Variants in LARP1B observed in about 807,000 individuals in gnomAD.
LARP1B encodes La ribonucleoprotein 1B.
LARP1B carries 76 observed loss-of-function variants against 114.2 expected under a neutral mutation model. The ratio of observed to expected loss-of-function variants is 0.67; its 90% confidence interval spans 0.55 to 0.81. The LOEUF (loss-of-function observed/expected upper bound fraction) is 0.81, where lower values mean the gene tolerates loss of function less well. Ranked by LOEUF, LARP1B falls within the 30% of genes least tolerant of loss-of-function variation. The probability of loss-of-function intolerance (pLI) is 0.00; values close to 1 mark genes in which losing one functional copy is unlikely to be tolerated. For synonymous variants in LARP1B, 345 were observed against 348.0 expected (o/e 0.99, Z 0.10); for missense variants, 1,014 against 1,075.8 (o/e 0.94, Z 0.80).
At chr4:128,100,179 C>G (rs1779787433) in intron 8 of LARP1B, among the ~76,000 whole-genome samples, 1 of 152,052 alleles carries the variant, frequency 6.6e-6, no homozygotes, top group African/African-American at 2.4e-5. Context: ...CCAGGCTGGT[C>G]TCGAACTCCT....
intron 9 of LARP1B, among the ~76,000 whole-genome samples, chr4:128,114,253 AT>A (rs1215315220): frequency 6.6e-6 from 1 of 152,184 alleles, no homozygotes; most frequent in Non-Finnish European, 1.5e-5. Flanking sequence ...TTAATCTAAG[AT>A]TTTTCAGAGA....
intron 11 of LARP1B, among the ~76,000 whole-genome samples, chr4:128,138,458 CAT>C (rs1386369593): frequency 6.6e-6 from 1 of 152,076 alleles, no homozygotes; most frequent in East Asian, 1.9e-4. Flanking sequence ...ATTTTATTAA[CAT>C]ATCTTTTTAT....
intron 12 of LARP1B, among the ~76,000 whole-genome samples, chr4:128,168,250 A>G (rs1234715723): frequency 6.6e-6 from 1 of 152,004 alleles, no homozygotes; most frequent in Admixed American, 6.6e-5. Context: ...CAGTTGCTCT[A>G]CATCATCACC....
chr4:128,085,833 C>G (rs762482732), intron 5 of LARP1B, among the ~76,000 whole-genome samples: 1 of 152,042 alleles, frequency 6.6e-6, no homozygotes, highest in Non-Finnish European at 1.5e-5. Flanking sequence ...TTCTCAAATG[C>G]CTGTGAGTGA....
intron 11 of LARP1B, 116 bp downstream of exon 11, chr4:128,122,304 G>A: frequency 6.6e-7 from 1 of 1,506,222 alleles, no homozygotes; most frequent in South Asian, 1.4e-5. Flanking sequence ...TAAATACATT[G>A]TATTTAACTT....
intron 11 of LARP1B, among the ~76,000 whole-genome samples, chr4:128,137,672 ATATC>A (rs1293530734): frequency 8.6e-5 from 13 of 151,912 alleles, no homozygotes; most frequent in African/African-American, 2.7e-4. Flanking sequence ...GGTAATTTAT[ATATC>A]TATCACCTCA....
intron 11 of LARP1B, among the ~76,000 whole-genome samples, chr4:128,135,558 A>G (rs1206413175): frequency 6.6e-6 from 1 of 152,236 alleles, no homozygotes; most frequent in African/African-American, 2.4e-5. Flanking sequence ...AACAAAATGT[A>G]GTATATACAT....
chr4:128,079,322 T>A (rs1222246455), intron 4 of LARP1B, among the ~76,000 whole-genome samples: 2 of 152,062 alleles, frequency 1.3e-5, no homozygotes, highest in African/African-American at 4.8e-5. Context: ...CTTGAAATCC[T>A]GAGCTCAGGC....
At chr4:128,213,484 T>C (rs1759255369), downstream of LARP1B, among the ~76,000 whole-genome samples, 1 of 152,188 alleles carries the variant, frequency 6.6e-6, no homozygotes, top group Admixed American at 6.5e-5. Flanking sequence ...CTTGACATGG[T>C]ATGTACTTTT....
chr4:128,118,966 C>T (rs1347593579), intron 10 of LARP1B, among the ~76,000 whole-genome samples: 3 of 149,740 alleles, frequency 2.0e-5, no homozygotes, highest in African/African-American at 7.4e-5. Context: ...CTGTAACCTC[C>T]GCCTCCCAGG....
intron 11 of LARP1B, 22 bp downstream of exon 11, chr4:128,122,210 C>G (rs1788169018): frequency 5.0e-6 from 8 of 1,608,062 alleles, no homozygotes; most frequent in Non-Finnish European, 6.0e-6. Context: ...TGGCCAACAT[C>G]TTTCTACTGA....
chr4:128,210,068 G>A lies in LARP1B; in HGVS notation c.*15G>A. 6.2e-7 allele frequency: 1 copy of A among 1,613,622 alleles called. No individual in the cohort carries two copies. The highest frequency in any genetic ancestry group is 1.1e-5 in the South Asian group (1 of 91,038). On this transcript the variant is annotated 3_prime_UTR_variant, in exon 20 of 20. Coordinates refer to ENST00000326639, the MANE Select transcript of LARP1B (RefSeq NM_018078.4). ...ATTCACATTAAACAGTGCTGCCTGT[G>A]TCCTGTGGTCTCAAGAAATGGTGAA...
chr4:128,127,052 A>G (rs1789902676), intron 11 of LARP1B, among the ~76,000 whole-genome samples: 1 of 152,330 alleles, frequency 6.6e-6, no homozygotes, highest in Non-Finnish European at 1.5e-5. Context: ...CTAGTTTCCC[A>G]ACAGTGACAA....
At chr4:128,195,597 ACTT>A (rs1218349023) in intron 15 of LARP1B, among the ~76,000 whole-genome samples, 1 of 152,198 alleles carries the variant, frequency 6.6e-6, no homozygotes, top group African/African-American at 2.4e-5. Flanking sequence ...AATGTAAAGA[ACTT>A]CTCAGTACCT....
At chr4:128,219,029 A>C (rs1476061936) in intron 6 of LARP1B, among the ~76,000 whole-genome samples, 2 of 133,530 alleles carry the variant, frequency 1.5e-5, no homozygotes, top group African/African-American at 5.6e-5. Flanking sequence ...ATGCAGCCAA[A>C]AAACACATGA....
chr4:128,184,565 A>ATTTTTT (rs1321018201), intron 15 of LARP1B, among the ~76,000 whole-genome samples: 1 of 151,804 alleles, frequency 6.6e-6, no homozygotes, highest in Admixed American at 6.6e-5. Context: ...ATTCTGTTCC[A>ATTTTTT]TTTTTTTCCT....
In LARP1B at chr4:128,176,899, C is replaced by T; in HGVS notation, c.1676C>T (p.Pro559Leu). The change falls in exon 13 of 20, where the codon CCC becomes CTC. Residue 559 changes from proline (P) to leucine (L), a missense_variant. Pro to Leu is a moderately conservative substitution (Grantham distance 98, BLOSUM62 -3). Coordinates refer to ENST00000326639, the MANE Select transcript of LARP1B (RefSeq NM_018078.4). ...GGTGTTCAAGGAGTGCTTCACATTCCCAAGAAAGGTAACATCTGTGGTGGG... is the reference window on the plus strand; with the variant it reads ...GGTGTTCAAGGAGTGCTTCACATTCTCAAGAAAGGTAACATCTGTGGTGGG... ...QGGVQGVLHI[P>L]KKDLTDELAQ... 6.2e-7 allele frequency: 1 copy of T among 1,613,772 alleles called. No individual in the cohort carries two copies. Among genetic ancestry groups the T allele is most frequent in the Non-Finnish European group, 8.5e-7 (1 of 1,179,792 alleles).
chr4:128,177,006 T>C, intron 13 of LARP1B, 99 bp downstream of exon 13: 1 of 1,007,836 alleles, frequency 9.9e-7, no homozygotes, highest in Non-Finnish European at 1.6e-6. Context: ...AGAAAAAGCA[T>C]ATGAAAAGAT....
chr4:128,075,076 T>C, intron 3 of LARP1B, 83 bp downstream of exon 3: 1 of 919,488 alleles, frequency 1.1e-6, no homozygotes, highest in South Asian at 1.5e-5. Context: ...TTACTTAAAA[T>C]GTAAAGAATT....
Sources: gnomAD v4.1 joint callset for allele counts (sites outside exome capture counted in the v4.1 genomes callset) on GRCh38, gnomAD v4.1.1 for gene constraint, MANE v1.5 for transcripts, NCBI Gene and HGNC (gene_info 2026-07-23, HGNC 2026-07-21) for gene names.